Variants in KMT2C observed in about 807,000 individuals in gnomAD.
KMT2C encodes the protein lysine methyltransferase 2C.
Under a neutral mutation model 507.9 loss-of-function variants are expected in KMT2C, and 88 were observed. That is an observed-to-expected ratio of 0.17 (90% CI 0.15 to 0.21). The LOEUF (loss-of-function observed/expected upper bound fraction) is 0.21. KMT2C is among the 10% of genes least tolerant of loss of function. The pLI, the probability that KMT2C is intolerant of heterozygous loss-of-function variation, is 1.00. For synonymous variants in KMT2C, 2,049 were observed against 2,080.8 expected, an observed-to-expected ratio of 0.98 and a Z score of 0.42; for missense variants, 4,954 against 5,957.8, an observed-to-expected ratio of 0.83 and a Z score of 5.55.
intron 6 of KMT2C, among the ~76,000 whole-genome samples, chr7:152,307,250 G>A (rs1449223287): frequency 8.1e-6 from 1 of 123,936 alleles, no homozygotes; most frequent in Non-Finnish European, 1.6e-5. Context: ...AGGAAGGAAG[G>A]ACGGTAGGAA....
chr7:152,324,882 C>A (rs182916611), intron 3 of KMT2C, among the ~76,000 whole-genome samples: 112 of 152,080 alleles, frequency 7.4e-4, no homozygotes, highest in African/African-American at 2.6e-3. Flanking sequence ...TAAAACCCAA[C>A]AGCATGTTTA....
At chr7:152,347,831 C>T (rs1000944947) in intron 2 of KMT2C, among the ~76,000 whole-genome samples, 3 of 152,142 alleles carry the variant, frequency 2.0e-5, no homozygotes, top group African/African-American at 7.2e-5. Context: ...CTAGGCTACA[C>T]AGTCCATCTA....
chr7:152,348,777 G>A (rs2097085934), intron 2 of KMT2C, among the ~76,000 whole-genome samples: 1 of 152,088 alleles, frequency 6.6e-6, no homozygotes, highest in South Asian at 2.1e-4. Flanking sequence ...ACACCTATTA[G>A]AATGGTCAAA....
intron 1 of KMT2C, among the ~76,000 whole-genome samples, chr7:152,399,476 G>C (rs371907366): frequency 6.6e-6 from 1 of 152,100 alleles, no homozygotes; most frequent in Non-Finnish European, 1.5e-5. Context: ...TAGCATGGGA[G>C]TTGGCACTTT....
intron 1 of KMT2C, among the ~76,000 whole-genome samples, chr7:152,431,760 A>G (rs2097864341): frequency 6.6e-6 from 1 of 150,966 alleles, no homozygotes; most frequent in Non-Finnish European, 1.5e-5. Flanking sequence ...CCAGAGACCA[A>G]TAATATCAAA....
intron 34 of KMT2C, among the ~76,000 whole-genome samples, chr7:152,184,937 T>C (rs757760728): frequency 6.6e-6 from 1 of 152,168 alleles, no homozygotes; most frequent in African/African-American, 2.4e-5. Context: ...TCATTTTTTA[T>C]AGAGATGAGG....
chr7:152,330,582 G>T lies in KMT2C; in HGVS notation c.389+19C>A. On this transcript the variant is annotated intron_variant, in intron 3 of 58. Coordinates refer to ENST00000262189, the MANE Select transcript of KMT2C (RefSeq NM_170606.3). ...ATTCCTGTCACTAATATCCAATCCA[G>T]CTGCATTCATTCTCTAACCTGATTT... The T allele has an allele frequency of 6.2e-7, 1 of 1,611,304 alleles. No homozygotes were observed. The highest frequency in any genetic ancestry group is 8.5e-7 in the Non-Finnish European group (1 of 1,177,570).
Position 152,158,733 on chromosome 7 carries a change from C to T in KMT2C, c.11670+130G>A, listed in dbSNP as rs190350108. 1.3e-3 allele frequency: 1,002 copies of T among 800,472 alleles called. 10 individuals carry two copies. In the Admixed American group the frequency reaches 0.018, roughly 14 times the overall value. 49.6% of individuals were successfully genotyped at this position (800,472 alleles called of 1,614,324 possible). On this transcript the variant is annotated intron_variant, in intron 44 of 58. Coordinates refer to ENST00000262189, the MANE Select transcript of KMT2C (RefSeq NM_170606.3). The stretch of plus-strand genomic sequence containing the variant: ...GTTTTGCCATGTTGGCTAAGCTCAT[C>T]TAGAACTCATGCCTCAAGTGATCCA...
At chr7:152,186,616 G>C (rs549941338) in intron 33 of KMT2C, among the ~76,000 whole-genome samples, 1 of 152,240 alleles carries the variant, frequency 6.6e-6, no homozygotes, top group Non-Finnish European at 1.5e-5. Context: ...TTAAGAGTTT[G>C]TGTATTGATA....
intron 3 of KMT2C, among the ~76,000 whole-genome samples, chr7:152,326,708 G>A (rs1028345627): frequency 1.3e-5 from 2 of 152,002 alleles, no homozygotes; most frequent in Non-Finnish European, 2.9e-5. Flanking sequence ...GTGAAACCCT[G>A]TCTCTACTAA....
intron 3 of KMT2C, among the ~76,000 whole-genome samples, chr7:152,327,487 C>T (rs962206845): frequency 1.3e-5 from 2 of 152,274 alleles, no homozygotes; most frequent in East Asian, 3.9e-4. Flanking sequence ...CTCTCAGGCA[C>T]CTGCTCTAAA....
intron 16 of KMT2C, among the ~76,000 whole-genome samples, chr7:152,230,860 C>T (rs1201142815): frequency 6.6e-6 from 1 of 152,142 alleles, no homozygotes; most frequent in Non-Finnish European, 1.5e-5. Flanking sequence ...TCTTGTTGCC[C>T]AGGCTGGAGT....
intron 2 of KMT2C, among the ~76,000 whole-genome samples, chr7:152,355,678 T>A (rs1476169327): frequency 1.3e-5 from 2 of 152,056 alleles, no homozygotes; most frequent in African/African-American, 4.8e-5. Context: ...TTAAGGAGGA[T>A]GAAGACTAAA....
chr7:152,310,460 G>A (rs2096661043), intron 5 of KMT2C, among the ~76,000 whole-genome samples: 1 of 152,130 alleles, frequency 6.6e-6, no homozygotes, highest in Non-Finnish European at 1.5e-5. Flanking sequence ...AGCTACTCAG[G>A]AGGCTGAGGC....
chr7:152,230,977 C>A (rs2095090076), intron 16 of KMT2C, among the ~76,000 whole-genome samples: 1 of 152,040 alleles, frequency 6.6e-6, no homozygotes, highest in African/African-American at 2.4e-5. Context: ...CCGCCATGCC[C>A]AGCTAATTTC....
chr7:152,193,671 A>T (rs965557616), intron 31 of KMT2C, among the ~76,000 whole-genome samples: 7 of 152,150 alleles, frequency 4.6e-5, no homozygotes, highest in Non-Finnish European at 7.3e-5. Context: ...CAGCCAGGTG[A>T]GCGGGGACAG....
intron 6 of KMT2C, among the ~76,000 whole-genome samples, chr7:152,304,776 A>T (rs1324716456): frequency 6.6e-6 from 1 of 152,196 alleles, no homozygotes; most frequent in African/African-American, 2.4e-5. Context: ...CCTGGGCTCA[A>T]GAAATCCTCC....
At chr7:152,210,553 A>T (rs7457414) in intron 23 of KMT2C, among the ~76,000 whole-genome samples, 9,822 of 149,540 alleles carry the variant, frequency 0.066, 1,061 homozygotes, top group African/African-American at 0.22. Flanking sequence ...TTTTTTTTTT[A>T]AAAAAGCTCA....
At chr7:152,391,729 G>T (rs1194296152) in intron 1 of KMT2C, among the ~76,000 whole-genome samples, 2 of 151,722 alleles carry the variant, frequency 1.3e-5, no homozygotes, top group Non-Finnish European at 2.9e-5. Flanking sequence ...TAGATACGGG[G>T]TTTCACTATA....
Sources: gnomAD v4.1 joint callset for allele counts (sites outside exome capture counted in the v4.1 genomes callset) on GRCh38, gnomAD v4.1.1 for gene constraint, MANE v1.5 for transcripts, NCBI Gene and HGNC (gene_info 2026-07-23, HGNC 2026-07-21) for gene names.